Variants in RBKS observed in about 807,000 individuals in gnomAD.
The protein encoded by RBKS is ribokinase.
In RBKS, 33 loss-of-function variants were observed where a neutral mutation model predicts 33.9. That is an observed-to-expected ratio of 0.97 (90% CI 0.74 to 1.30). The LOEUF is 1.30. Ranked by LOEUF, RBKS falls within the 50% of genes most tolerant of loss-of-function variation. The probability of loss-of-function intolerance (pLI) is 0.00; values close to 1 mark genes in which losing one functional copy is unlikely to be tolerated. For missense variants in RBKS, 361 were observed against 392.6 expected (o/e 0.92, Z 0.68); for synonymous variants, 125 against 143.0 (o/e 0.87, Z 0.90).
At chr2:27,865,920 ATTAC>A (rs778821458) in intron 1 of RBKS, among the ~76,000 whole-genome samples, 7 of 152,134 alleles carry the variant, frequency 4.6e-5, no homozygotes, top group Non-Finnish European at 8.8e-5. Context: ...CAATACTGTT[ATTAC>A]TTTATTAATT....
intron 7 of RBKS, among the ~76,000 whole-genome samples, chr2:27,806,891 T>A (rs140918760): frequency 0.011 from 1,676 of 152,322 alleles, 18 homozygotes; most frequent in Non-Finnish European, 0.019. Flanking sequence ...GTGTTTCAAA[T>A]GACTTCCCAG....
intron 2 of RBKS, 109 bp downstream of exon 2, chr2:27,858,330 C>CCTGTT: frequency 9.5e-7 from 1 of 1,057,450 alleles, no homozygotes. Context: ...GTATTACATG[C>CCTGTT]CACTGAACTG....
chr2:27,859,813 T>G (rs1280199273), intron 1 of RBKS, among the ~76,000 whole-genome samples: 1 of 152,232 alleles, frequency 6.6e-6, no homozygotes, highest in African/African-American at 2.4e-5. Context: ...TATATTAATT[T>G]TCCACATAGG....
intron 2 of RBKS, among the ~76,000 whole-genome samples, chr2:27,851,998 C>G (rs1016741663): frequency 3.9e-5 from 6 of 152,242 alleles, no homozygotes; most frequent in Non-Finnish European, 7.4e-5. Context: ...CTTGGAAACC[C>G]GCATAGTCTG....
chr2:27,828,779 T>C (rs962173049), intron 6 of RBKS, among the ~76,000 whole-genome samples: 2 of 152,246 alleles, frequency 1.3e-5, no homozygotes, highest in Non-Finnish European at 2.9e-5. Flanking sequence ...AGACTTCTAA[T>C]TGGTTGTTTT....
chr2:27,826,649 G>A (rs1439231877), intron 7 of RBKS, among the ~76,000 whole-genome samples: 2 of 152,032 alleles, frequency 1.3e-5, no homozygotes, highest in East Asian at 1.9e-4. Context: ...CTCATGATCC[G>A]CCCACCTCAG....
intron 1 of RBKS, among the ~76,000 whole-genome samples, chr2:27,864,322 C>T (rs1306151031): frequency 6.6e-6 from 1 of 152,140 alleles, no homozygotes; most frequent in Non-Finnish European, 1.5e-5. Flanking sequence ...ATATCTTTTC[C>T]TAGCTAAAAT....
At chr2:27,799,695 A>T (rs1211728348) in intron 7 of RBKS, among the ~76,000 whole-genome samples, 1 of 152,316 alleles carries the variant, frequency 6.6e-6, no homozygotes, top group African/African-American at 2.4e-5. Context: ...CCACCACCAT[A>T]CTGGGGCCAC....
chr2:27,815,270 T>G (rs1163885416), intron 7 of RBKS, among the ~76,000 whole-genome samples: 1 of 152,052 alleles, frequency 6.6e-6, no homozygotes, highest in Non-Finnish European at 1.5e-5. Context: ...TATAGTGGCA[T>G]GATCTCAGCT....
At chr2:27,829,221 G>A (rs1027651880) in intron 6 of RBKS, among the ~76,000 whole-genome samples, 1 of 151,784 alleles carries the variant, frequency 6.6e-6, no homozygotes, top group Non-Finnish European at 1.5e-5. Context: ...ATTTCATCTT[G>A]GGCAAATTCA....
intron 1 of RBKS, among the ~76,000 whole-genome samples, chr2:27,879,713 C>T (rs1301881737): frequency 6.6e-6 from 1 of 152,158 alleles, no homozygotes; most frequent in Non-Finnish European, 1.5e-5. Context: ...ATAAACACCT[C>T]TATGCACACA....
At chr2:27,866,843 C>T (rs1664111829) in intron 1 of RBKS, among the ~76,000 whole-genome samples, 1 of 152,156 alleles carries the variant, frequency 6.6e-6, no homozygotes, top group Admixed American at 6.5e-5. Context: ...GTTGCTCATG[C>T]CTGTAATCCC....
chr2:27,848,070 A>G lies in RBKS; in HGVS notation c.250T>C (p.Tyr84His). ...KVGKDSFGNDYIENLKQNDIS... is the reference protein window; with the variant it reads ...KVGKDSFGNDHIENLKQNDIS... ...TCATTCTGTTTTAAGTTTTCTATATAATCATTGCCAAAAGAATCTTTGCCA... is the reference window on the plus strand; with the variant it reads ...TCATTCTGTTTTAAGTTTTCTATATGATCATTGCCAAAAGAATCTTTGCCA... The change falls in exon 3 of 8, where the codon TAT becomes CAT. Residue 84 changes from tyrosine to histidine, a missense_variant. Transcript: ENST00000302188. The G allele has an allele frequency of 6.6e-7, 1 of 1,506,818 alleles. No homozygotes were observed. The highest frequency in any genetic ancestry group is 9.2e-7 in the Non-Finnish European group (1 of 1,091,324). The allele number at this position is 1,506,818 out of a possible 1,614,324, so 93.3% of individuals were successfully genotyped here.
intron 1 of RBKS, among the ~76,000 whole-genome samples, chr2:27,878,050 C>CT (rs1181696018): frequency 1.3e-5 from 2 of 150,168 alleles, no homozygotes; most frequent in Non-Finnish European, 1.5e-5. Context: ...TATTATTATA[C>CT]TTTAAGTTTT....
rs537629314 is a variant in RBKS at position 27,867,616 on chromosome 2, A to C, written c.90-9045T>G. On this transcript the variant is annotated intron_variant, in intron 1 of 7. Coordinates refer to ENST00000302188, the MANE Select transcript of RBKS (RefSeq NM_022128.3). ...TCAAAATATTAAACATACACATAAA[A>C]ATTAAAATACTACCTAAGCTCAGCA... Among the ~76,000 whole-genome samples, 467 of 152,246 alleles carry C rather than the reference A, an allele frequency of 3.1e-3. 1 individual carries two copies. The highest frequency in any genetic ancestry group is 5.3e-3 in the Admixed American group (81 of 15,284).
At chr2:27,816,190 T>G (rs1337570402) in intron 7 of RBKS, among the ~76,000 whole-genome samples, 1 of 152,242 alleles carries the variant, frequency 6.6e-6, no homozygotes, top group African/African-American at 2.4e-5. Flanking sequence ...CCCTGGGTAT[T>G]CAACTGATCA....
chr2:27,805,012 TA>T lies in RBKS; in HGVS notation c.795+22554del, dbSNP rs754170577. Among the ~76,000 whole-genome samples the T allele has an allele frequency of 5.8e-3, 808 of 140,014 alleles. 2 individuals are homozygous for T. Among genetic ancestry groups the T allele is most frequent in the Admixed American group, 6.1e-3 (86 of 14,004 alleles). 91.9% of individuals were successfully genotyped at this position (140,014 alleles called of 152,430 possible). ...CCTGGGTGACAGTGAGACCTTGTCT[TA>T]AAAAAAAAAAAAAATCCTATGATGT... On this transcript the variant is annotated intron_variant, in intron 7 of 7. Transcript: ENST00000302188.
At chr2:27,830,751 C>A (rs1364746420) in intron 6 of RBKS, among the ~76,000 whole-genome samples, 4 of 152,102 alleles carry the variant, frequency 2.6e-5, no homozygotes, top group African/African-American at 9.7e-5. Flanking sequence ...TATCACACAT[C>A]CTGGTTTTAC....
rs1225449436 is a variant in RBKS, at chr2:27,818,142, A to T, written c.795+9425T>A. Among the ~76,000 whole-genome samples the T allele has an allele frequency of 2.6e-5, 4 of 152,180 alleles. No individual in the cohort carries two copies. The South Asian group carries it at 8.3e-4, about 32-fold the overall frequency. ...GTCTACGCTACCTGGTACCTAAATG[A>T]TCCATAAAGTGGTAAAGTGAACAAT... is the stretch of plus-strand genomic sequence containing the variant. On this transcript the variant is annotated intron_variant, in intron 7 of 7. Coordinates refer to ENST00000302188, the MANE Select transcript of RBKS (RefSeq NM_022128.3).
Sources: gnomAD v4.1 joint callset for allele counts (sites outside exome capture counted in the v4.1 genomes callset) on GRCh38, gnomAD v4.1.1 for gene constraint, MANE v1.5 for transcripts, NCBI Gene and HGNC (gene_info 2026-07-23, HGNC 2026-07-21) for gene names.